The following SLA variants were observed in gnomAD, a reference collection of about 807,000 sequenced individuals.
The protein encoded by SLA is Src like adaptor.
SLA carries 16 observed loss-of-function variants against 30.3 expected under a neutral mutation model. That is an observed-to-expected ratio of 0.53 (90% CI 0.36 to 0.80). SLA has a LOEUF of 0.80. Among genes scored for constraint, SLA ranks in the 30% least tolerant of loss-of-function variants. The probability of loss-of-function intolerance (pLI) is 0.01; values close to 1 mark genes in which losing one functional copy is unlikely to be tolerated. For synonymous variants in SLA, 143 were observed against 137.8 expected (o/e 1.04, Z -0.26); for missense variants, 310 against 345.2 (o/e 0.90, Z 0.81).
At chr8:133,098,289 A>C (rs1353374791) in intron 1 of SLA, among the ~76,000 whole-genome samples, 1 of 152,254 alleles carries the variant, frequency 6.6e-6, no homozygotes, top group Non-Finnish European at 1.5e-5. Flanking sequence ...AATTATATAC[A>C]TGTGTACTCT....
intron 1 of SLA, among the ~76,000 whole-genome samples, chr8:133,077,057 C>G (rs775518018): frequency 5.3e-5 from 8 of 152,116 alleles, no homozygotes; most frequent in Non-Finnish European, 1.0e-4. Context: ...CTACTTTGCA[C>G]AGGTGGCCAG....
chr8:133,062,829 A>G (rs906566053), intron 2 of SLA, among the ~76,000 whole-genome samples: 3 of 150,856 alleles, frequency 2.0e-5, no homozygotes, highest in African/African-American at 7.3e-5. Context: ...GGAAGCACAC[A>G]TGTGACACGC....
chr8:133,088,646 C>T lies in SLA; in HGVS notation c.-318-13516G>A, dbSNP rs187982472. On this transcript the variant is annotated intron_variant, in intron 1 of 8. Transcript: ENST00000338087. Reference sequence around the variant, plus strand: ...CTGCTTTCCTTTAAGTAAACACACACGCACTTTTTATACAAAAAAGAAGGA... The same window carrying T: ...CTGCTTTCCTTTAAGTAAACACACATGCACTTTTTATACAAAAAAGAAGGA... 1.1e-4 allele frequency among the ~76,000 whole-genome samples: 16 copies of T among 152,294 alleles called. 1 individual carries two copies. The East Asian group carries it at 2.3e-3, about 22-fold the overall frequency.
intron 1 of SLA, among the ~76,000 whole-genome samples, chr8:133,091,415 C>T (rs7844184): frequency 0.036 from 5,482 of 152,204 alleles, 339 homozygotes; most frequent in African/African-American, 0.13. Flanking sequence ...CACATGGATG[C>T]CCCAGGGCAG....
At chr8:133,056,947 G>A (rs2739136) in intron 3 of SLA, among the ~76,000 whole-genome samples, 114,096 of 152,048 alleles carry the variant, frequency 0.75, 43,771 homozygotes, top group African/African-American at 0.89. Flanking sequence ...TCTGATTCGT[G>A]GGCCTGGGGT....
At chr8:133,081,979 A>G (rs1318166399) in intron 1 of SLA, among the ~76,000 whole-genome samples, 1 of 152,252 alleles carries the variant, frequency 6.6e-6, no homozygotes, top group African/African-American at 2.4e-5. Context: ...GGCTGTAGCC[A>G]GGAATGTTGA....
chr8:133,089,487 C>T (rs1478807447), intron 1 of SLA, among the ~76,000 whole-genome samples: 2 of 152,206 alleles, frequency 1.3e-5, no homozygotes, highest in Non-Finnish European at 2.9e-5. Flanking sequence ...ATGGATTCCT[C>T]ATTGCCCGTT....
At chr8:133,081,805 T>C (rs1348058940) in intron 1 of SLA, among the ~76,000 whole-genome samples, 2 of 152,184 alleles carry the variant, frequency 1.3e-5, no homozygotes, top group Non-Finnish European at 2.9e-5. Flanking sequence ...CAGGACCCAA[T>C]TTCAGTTGTT....
chr8:133,042,678 CTTTTTTTTT>C (rs58739514), intron 7 of SLA, among the ~76,000 whole-genome samples: 2 of 56,732 alleles, frequency 3.5e-5, no homozygotes, highest in Admixed American at 2.7e-4. Context: ...CATTCTGTGT[CTTTTTTTTT>C]TTTTTTTTTT....
At chr8:133,049,322 G>A in intron 5 of SLA, 1 of 363,992 alleles carries the variant, frequency 2.7e-6, no homozygotes, top group South Asian at 2.0e-5. Context: ...TTCTGGATAG[G>A]TATTTGATTA....
At chr8:133,042,678 C>CTTTTTTTTTTTTTTTTTTTTTTTT (rs58739514) in intron 7 of SLA, among the ~76,000 whole-genome samples, 1 of 56,732 alleles carries the variant, frequency 1.8e-5, no homozygotes, top group Non-Finnish European at 3.2e-5. Flanking sequence ...CATTCTGTGT[C>CTTTTTTTTTTTTTTTTTTTTTTTT]TTTTTTTTTT....
At chr8:133,055,342 T>A in intron 3 of SLA, among the ~76,000 whole-genome samples, 1 of 149,464 alleles carries the variant, frequency 6.7e-6, no homozygotes, top group African/African-American at 2.5e-5. Flanking sequence ...AGTGTCATCT[T>A]CAGGACACAC....
chr8:133,067,813 G>A (rs2981293), intron 2 of SLA, among the ~76,000 whole-genome samples: 32,591 of 122,544 alleles, frequency 0.27, 4,716 homozygotes, highest in East Asian at 0.55. Flanking sequence ...AGAAAGAAAG[G>A]AAGGAAGGAA....
At chr8:133,059,458 G>A (rs1641589889) in intron 3 of SLA, among the ~76,000 whole-genome samples, 1 of 152,108 alleles carries the variant, frequency 6.6e-6, no homozygotes, top group African/African-American at 2.4e-5. Context: ...GTTGCTGAGG[G>A]ACTCTTTGTA....
intron 4 of SLA, 68 bp from the exon 5 acceptor site, chr8:133,050,056 G>C (rs1840115133): frequency 9.9e-7 from 1 of 1,009,130 alleles, no homozygotes; most frequent in Middle Eastern, 2.0e-4. Context: ...TGAATGAACA[G>C]AGTAATCAGA....
chr8:133,058,302 G>A (rs919584663), intron 3 of SLA, among the ~76,000 whole-genome samples: 3 of 152,186 alleles, frequency 2.0e-5, no homozygotes, highest in Non-Finnish European at 2.9e-5. Context: ...GATCACAAAC[G>A]GGGTATGACC....
chr8:133,041,181 C>T (rs1010066515), intron 7 of SLA, among the ~76,000 whole-genome samples: 2 of 152,226 alleles, frequency 1.3e-5, no homozygotes, highest in African/African-American at 2.4e-5. Flanking sequence ...TGCCACTGGC[C>T]TCCGGCAGGG....
chr8:133,067,917 A>AGG lies in SLA; in HGVS notation c.-41+6935_-41+6936insCC, dbSNP rs375286665. Among the ~76,000 whole-genome samples the AGG allele has an allele frequency of 5.3e-4, 19 of 36,008 alleles. 1 individual carries two copies. Among genetic ancestry groups the AGG allele is most frequent in the Non-Finnish European group, 9.9e-4 (14 of 14,210 alleles). The allele number at this position is 36,008 out of a possible 152,430, so 23.6% of individuals were successfully genotyped here. On this transcript the variant is annotated intron_variant, in intron 2 of 8. Coordinates refer to ENST00000338087, the MANE Select transcript of SLA (RefSeq NM_001045556.3). ...ATGGAAGGAAGGAAGGAAGGAAGGAAAGAGAGAGAGAGAGAAAGAAAGAAA... is the reference window on the plus strand; with the variant it reads ...ATGGAAGGAAGGAAGGAAGGAAGGAAGGAGAGAGAGAGAGAGAAAGAAAGAAA...
At chr8:133,039,556 T>C (rs1481082189) in intron 8 of SLA, among the ~76,000 whole-genome samples, 3 of 152,184 alleles carry the variant, frequency 2.0e-5, no homozygotes, top group Non-Finnish European at 4.4e-5. Context: ...AACAAATCCA[T>C]GAAAGTTTTT....
Sources: allele counts gnomAD v4.1 joint callset (sites outside exome capture counted in the v4.1 genomes callset), GRCh38; gene constraint gnomAD v4.1.1; transcripts MANE v1.5; gene names NCBI Gene and HGNC (gene_info 2026-07-23, HGNC 2026-07-21).